Variants in ANTXR1 observed in about 807,000 individuals in gnomAD.
ANTXR1 encodes the protein anthrax toxin receptor 1.
Under a neutral mutation model 78.1 loss-of-function variants are expected in ANTXR1, and 19 were observed. That is an observed-to-expected ratio of 0.24 (90% CI 0.17 to 0.36). ANTXR1 has a LOEUF of 0.36. Ranked by LOEUF, ANTXR1 falls within the 10% of genes least tolerant of loss-of-function variation. The probability of loss-of-function intolerance (pLI) is 1.00; values close to 1 mark genes in which losing one functional copy is unlikely to be tolerated. For missense variants in ANTXR1, 518 were observed against 718.6 expected (o/e 0.72, Z 3.19); for synonymous variants, 273 against 260.5 (o/e 1.05, Z -0.46).
At chr2:69,198,757 G>A (rs1346702235) in intron 17 of ANTXR1, among the ~76,000 whole-genome samples, 1 of 152,004 alleles carries the variant, frequency 6.6e-6, no homozygotes, top group African/African-American at 2.4e-5. Context: ...CACCCCCTCG[G>A]TCTGTTTTTG....
At chr2:69,035,890 C>T (rs190908042) in intron 1 of ANTXR1, among the ~76,000 whole-genome samples, 120 of 152,196 alleles carry the variant, frequency 7.9e-4, no homozygotes, top group Non-Finnish European at 1.1e-3. Context: ...TGGATCTTTC[C>T]CTATATCTGG....
intron 16 of ANTXR1, among the ~76,000 whole-genome samples, chr2:69,186,002 C>G (rs1674407512): frequency 1.3e-5 from 2 of 152,120 alleles, no homozygotes; most frequent in South Asian, 4.1e-4. Context: ...TGTTTATGAG[C>G]CTTCTCTCCA....
intron 10 of ANTXR1, among the ~76,000 whole-genome samples, chr2:69,109,964 A>T (rs997863811): frequency 6.6e-6 from 1 of 152,220 alleles, no homozygotes; most frequent in Admixed American, 6.5e-5. Context: ...AATTCCTAAA[A>T]TCGGTTAAAA....
chr2:69,148,381 G>A (rs1324519988), intron 12 of ANTXR1, among the ~76,000 whole-genome samples: 2 of 152,200 alleles, frequency 1.3e-5, no homozygotes, highest in Non-Finnish European at 2.9e-5. Flanking sequence ...CCTCGGTGAA[G>A]TGCTAGTTCC....
At position 69,197,886 on chromosome 2, in the gene ANTXR1, T is replaced by A. The variant is rs146044260; in HGVS notation, c.1434+4471T>A. 3.3e-5 allele frequency among the ~76,000 whole-genome samples: 5 copies of A among 152,368 alleles called. No homozygotes were observed. In the East Asian group the frequency reaches 9.6e-4, roughly 29 times the overall value. ...GCTTTTTAACTTACTTGGTCCATGA[T>A]GATATGGCGTGTCATTCCACTTTGC... On this transcript the variant is annotated intron_variant, in intron 17 of 17. Coordinates refer to ENST00000303714, the MANE Select transcript of ANTXR1 (RefSeq NM_032208.3).
rs1671217285 is a variant in ANTXR1, at chr2:69,091,048, GAAATTGCTAACC to G, written c.703+135_703+146del. 1.2e-5 allele frequency: 11 copies of G among 897,660 alleles called. 1 individual carries two copies. The highest frequency in any genetic ancestry group is 1.1e-4 in the South Asian group (8 of 70,534). 55.6% of individuals were successfully genotyped at this position (897,660 alleles called of 1,614,324 possible). ...AAGGGGTAGGGTGAAAAGAGGAGCTGAAATTGCTAACCAAATTTGCTCCAAGGAGAAAAGGAA... is the reference window on the plus strand; with the variant it reads ...AAGGGGTAGGGTGAAAAGAGGAGCTGAAATTTGCTCCAAGGAGAAAAGGAA... On this transcript the variant is annotated intron_variant, in intron 9 of 17. Transcript: ENST00000303714.
At chr2:69,197,114 G>A (rs1053625969) in intron 17 of ANTXR1, among the ~76,000 whole-genome samples, 2 of 152,272 alleles carry the variant, frequency 1.3e-5, no homozygotes, top group South Asian at 4.1e-4. Flanking sequence ...TTTTGCCTGC[G>A]GTGGGCTCAT....
At chr2:69,038,219 T>C (rs1016322356) in intron 1 of ANTXR1, among the ~76,000 whole-genome samples, 12 of 152,180 alleles carry the variant, frequency 7.9e-5, no homozygotes, top group African/African-American at 2.7e-4. Flanking sequence ...TCTGAGTTCT[T>C]GAGGGGAAAG....
chr2:69,160,061 G>C (rs1441184202), intron 13 of ANTXR1, among the ~76,000 whole-genome samples: 1 of 152,166 alleles, frequency 6.6e-6, no homozygotes, highest in Non-Finnish European at 1.5e-5. Flanking sequence ...TCTGATGCAG[G>C]CATCTTGGGC....
At chr2:69,192,561 A>G (rs1674567038) in intron 16 of ANTXR1, among the ~76,000 whole-genome samples, 1 of 151,586 alleles carries the variant, frequency 6.6e-6, no homozygotes, top group Non-Finnish European at 1.5e-5. Context: ...AGTCCAGGAT[A>G]CTCTCCCCAT....
At chr2:69,209,634 G>A (rs1456254291) in intron 17 of ANTXR1, among the ~76,000 whole-genome samples, 1 of 152,190 alleles carries the variant, frequency 6.6e-6, no homozygotes, top group Non-Finnish European at 1.5e-5. Context: ...CTCTAAAGAG[G>A]CGACATTGAA....
intron 8 of ANTXR1, among the ~76,000 whole-genome samples, chr2:69,087,346 T>C (rs1671085301): frequency 6.6e-6 from 1 of 152,228 alleles, no homozygotes; most frequent in Non-Finnish European, 1.5e-5. Context: ...GTAGATACTA[T>C]TGTTATCCCA....
chr2:69,133,246 A>G (rs1251470774), intron 12 of ANTXR1, among the ~76,000 whole-genome samples: 10 of 152,212 alleles, frequency 6.6e-5, no homozygotes, highest in Non-Finnish European at 1.5e-4. Flanking sequence ...CTGTTTCTCA[A>G]TACCAGGAAA....
chr2:69,091,118 T>TA (rs199910182), intron 9 of ANTXR1, among the ~76,000 whole-genome samples, 199 bp downstream of exon 9: 2,724 of 138,972 alleles, frequency 0.02, 65 homozygotes, highest in African/African-American at 0.062. Context: ...GTTTGGAAGT[T>TA]AAAAAAAAAA....
chr2:69,075,520 T>C (rs1161129836), intron 6 of ANTXR1, 70 bp from the exon 7 acceptor site: 3 of 1,441,706 alleles, frequency 2.1e-6, no homozygotes, highest in Non-Finnish European at 2.9e-6. Context: ...TTGAAGTTAG[T>C]CAGGTAGCTC....
chr2:69,179,367 C>CA (rs1463339501), intron 14 of ANTXR1, among the ~76,000 whole-genome samples: 1 of 151,804 alleles, frequency 6.6e-6, no homozygotes, highest in East Asian at 1.9e-4. Flanking sequence ...GGCAATATGG[C>CA]AAAACCCCAT....
At chr2:69,181,305 C>T (rs1674269606) in intron 14 of ANTXR1, among the ~76,000 whole-genome samples, 1 of 152,018 alleles carries the variant, frequency 6.6e-6, no homozygotes, top group Non-Finnish European at 1.5e-5. Context: ...TGGGGAGAGG[C>T]AGTAAAGAAG....
chr2:69,021,251 C>T (rs1483303572), intron 1 of ANTXR1, among the ~76,000 whole-genome samples: 1 of 152,150 alleles, frequency 6.6e-6, no homozygotes, highest in Non-Finnish European at 1.5e-5. Flanking sequence ...CCCAAGGTCA[C>T]TCTGAATGGT....
intron 12 of ANTXR1, among the ~76,000 whole-genome samples, chr2:69,127,397 C>T (rs1315956501): frequency 6.6e-6 from 1 of 152,058 alleles, no homozygotes; most frequent in African/African-American, 2.4e-5. Context: ...CACAGAAGAG[C>T]AGGCAGGGAG....
Sources: gnomAD v4.1 joint callset for allele counts (sites outside exome capture counted in the v4.1 genomes callset) on GRCh38, gnomAD v4.1.1 for gene constraint, MANE v1.5 for transcripts, NCBI Gene and HGNC (gene_info 2026-07-23, HGNC 2026-07-21) for gene names.